Variants in ARHGAP28 observed in about 807,000 individuals in gnomAD.
ARHGAP28 encodes Rho GTPase activating protein 28, also known as rho GTPase-activating protein 28.
A neutral mutation model predicts 90.7 loss-of-function variants in ARHGAP28; 56 were observed. The observed-to-expected ratio is 0.62, with a 90% confidence interval of 0.50 to 0.77. The LOEUF (loss-of-function observed/expected upper bound fraction) is 0.77. ARHGAP28 is among the 30% of genes least tolerant of loss of function. The probability of loss-of-function intolerance (pLI) is 0.00; values close to 1 mark genes in which losing one functional copy is unlikely to be tolerated. For synonymous variants in ARHGAP28, 308 were observed against 323.3 expected (o/e 0.95, Z 0.51); for missense variants, 869 against 900.9 (o/e 0.96, Z 0.45).
intron 16 of ARHGAP28, among the ~76,000 whole-genome samples, chr18:6,905,956 A>C (rs2057362618): frequency 1.3e-5 from 2 of 152,114 alleles, no homozygotes; most frequent in African/African-American, 4.8e-5. Flanking sequence ...TAAAGATATC[A>C]ATTCTCCCCA....
intron 1 of ARHGAP28, among the ~76,000 whole-genome samples, chr18:6,765,310 T>A (rs572806767): frequency 6.6e-6 from 1 of 152,318 alleles, no homozygotes; most frequent in Non-Finnish European, 1.5e-5. Context: ...ATGAATTCAA[T>A]TTCTTTAATA....
At chr18:6,840,738 G>A (rs563710405) in intron 3 of ARHGAP28, among the ~76,000 whole-genome samples, 1 of 152,074 alleles carries the variant, frequency 6.6e-6, no homozygotes, top group Non-Finnish European at 1.5e-5. Context: ...TAAGGAAGTG[G>A]GTGGGCACAG....
chr18:6,732,449 T>C lies in ARHGAP28; in HGVS notation c.122+2506T>C, dbSNP rs535803355. On this transcript the variant is annotated intron_variant, in intron 1 of 17. Coordinates refer to ENST00000383472, the MANE Select transcript of ARHGAP28 (RefSeq NM_001366230.1). ...AAAAAAGAGGAAATAAGTGACAATA[T>C]TTCTACATCAAGAGGCTTCAGATGT... Among the ~76,000 whole-genome samples, 7 of 152,276 alleles carry C rather than the reference T, an allele frequency of 4.6e-5. No individual in the cohort carries two copies. The South Asian group carries it at 1.5e-3, about 32-fold the overall frequency.
intron 7 of ARHGAP28, among the ~76,000 whole-genome samples, chr18:6,872,482 G>T (rs938336111): frequency 1.8e-4 from 28 of 152,170 alleles, no homozygotes; most frequent in African/African-American, 6.5e-4. Flanking sequence ...CCCCAAGGAA[G>T]CTCCAGTTTA....
chr18:6,876,821 T>C (rs970237318), intron 10 of ARHGAP28, among the ~76,000 whole-genome samples: 1 of 152,232 alleles, frequency 6.6e-6, no homozygotes, highest in African/African-American at 2.4e-5. Context: ...GTGAATCTTA[T>C]TCTTTTGCTT....
chr18:6,905,595 G>C (rs2057360972), intron 16 of ARHGAP28, among the ~76,000 whole-genome samples: 1 of 151,948 alleles, frequency 6.6e-6, no homozygotes, highest in African/African-American at 2.4e-5. Context: ...AAGTTATAAA[G>C]GAAGGAATAA....
intron 1 of ARHGAP28, among the ~76,000 whole-genome samples, chr18:6,787,159 G>A (rs1383265543): frequency 1.4e-5 from 2 of 147,922 alleles, no homozygotes; most frequent in African/African-American, 5.0e-5. Flanking sequence ...GGCGGAGGTT[G>A]CAGTGAGCTG....
At chr18:6,864,930 G>A (rs2116255) in intron 5 of ARHGAP28, among the ~76,000 whole-genome samples, 76,145 of 151,882 alleles carry the variant, frequency 0.5, 20,391 homozygotes, top group Non-Finnish European at 0.61. Context: ...TTTCAGGTTC[G>A]CAGCAAAATT....
At chr18:6,782,443 A>G (rs1207340715) in intron 1 of ARHGAP28, among the ~76,000 whole-genome samples, 3 of 151,732 alleles carry the variant, frequency 2.0e-5, no homozygotes, top group Non-Finnish European at 2.9e-5. Context: ...TTTGAGATAG[A>G]GTCTCACTCT....
At chr18:6,871,181 G>A (rs754060398) in intron 7 of ARHGAP28, among the ~76,000 whole-genome samples, 4 of 152,202 alleles carry the variant, frequency 2.6e-5, no homozygotes, top group Non-Finnish European at 5.9e-5. Context: ...TACCATTGGG[G>A]GTGTTATGTG....
At chr18:6,773,505 G>A (rs78135144) in intron 1 of ARHGAP28, among the ~76,000 whole-genome samples, 371 of 152,254 alleles carry the variant, frequency 2.4e-3, no homozygotes, top group Admixed American at 4.1e-3. Context: ...TATTATCAAT[G>A]CCATTTATTC....
In ARHGAP28 at chr18:6,857,085, A is replaced by C. The variant is rs73941141; in HGVS notation, c.637-2723A>C. Among the ~76,000 whole-genome samples the C allele has an allele frequency of 7.4e-3, 1,122 of 152,366 alleles. 11 individuals are homozygous for C. Among genetic ancestry groups the C allele is most frequent in the African/African-American group, 0.026 (1,083 of 41,590 alleles). On this transcript the variant is annotated intron_variant, in intron 4 of 17. Transcript: ENST00000383472. The stretch of plus-strand genomic sequence containing the variant: ...TGAGTACAAATGTAGAATAAAGTAT[A>C]TAAATTGTCATTTCCCTTAGGTAAA...
chr18:6,835,322 A>G (rs2056745212), intron 2 of ARHGAP28, among the ~76,000 whole-genome samples: 1 of 152,220 alleles, frequency 6.6e-6, no homozygotes, highest in Non-Finnish European at 1.5e-5. Flanking sequence ...AAGCTTATCT[A>G]TAGCTTAAGG....
At chr18:6,773,323 GAGAGA>G (rs1417663981) in intron 1 of ARHGAP28, among the ~76,000 whole-genome samples, 6 of 152,052 alleles carry the variant, frequency 3.9e-5, no homozygotes, top group Admixed American at 2.6e-4. Flanking sequence ...TGTAATTTTG[GAGAGA>G]AGAGAAGAAA....
chr18:6,763,810 A>G (rs1441986294), intron 1 of ARHGAP28, among the ~76,000 whole-genome samples: 2 of 152,236 alleles, frequency 1.3e-5, no homozygotes, highest in Admixed American at 6.5e-5. Flanking sequence ...GGGAGGATAC[A>G]GGAGCCGAAG....
At chr18:6,853,222 G>A (rs144897971) in intron 4 of ARHGAP28, among the ~76,000 whole-genome samples, 107 of 152,192 alleles carry the variant, frequency 7.0e-4, no homozygotes, top group African/African-American at 2.3e-3. Flanking sequence ...CCTTCTCTTC[G>A]CCAAGGGTAT....
rs1247643167 is a variant in ARHGAP28, at chr18:6,901,469, C to T, written c.2030+4843C>T. 4.7e-5 allele frequency among the ~76,000 whole-genome samples: 7 copies of T among 148,536 alleles called. 1 individual carries two copies. The highest frequency in any genetic ancestry group is 1.4e-4 in the Admixed American group (2 of 14,748). Reference sequence around the variant, plus strand: ...AGAAATCTGACCTCAGTTAGGTGATCGGGTTAATATTAACAGTGATGAGTC... The same window carrying T: ...AGAAATCTGACCTCAGTTAGGTGATTGGGTTAATATTAACAGTGATGAGTC... On this transcript the variant is annotated intron_variant, in intron 16 of 17. Transcript: ENST00000383472.
chr18:6,909,524 C>T (rs2143868919), intron 17 of ARHGAP28, among the ~76,000 whole-genome samples: 1 of 151,936 alleles, frequency 6.6e-6, no homozygotes, highest in South Asian at 2.1e-4. Flanking sequence ...AACTCCTGAC[C>T]TCAAGTGATC....
chr18:6,883,627 A>G (rs969742460), intron 11 of ARHGAP28, among the ~76,000 whole-genome samples: 7 of 152,180 alleles, frequency 4.6e-5, no homozygotes, highest in Non-Finnish European at 8.8e-5. Context: ...GTTGGCCAGA[A>G]CTACAATTTC....
Sources: allele counts gnomAD v4.1 joint callset (sites outside exome capture counted in the v4.1 genomes callset), GRCh38; gene constraint gnomAD v4.1.1; transcripts MANE v1.5; gene names NCBI Gene and HGNC (gene_info 2026-07-23, HGNC 2026-07-21).